SRSF10: variants seen among roughly 807,000 people sequenced by gnomAD.
SRSF10 encodes serine and arginine rich splicing factor 10.
Under a neutral mutation model 32.6 loss-of-function variants are expected in SRSF10, and 9 were observed. The observed-to-expected ratio is 0.28, with a 90% CI of 0.17 to 0.48. The LOEUF (loss-of-function observed/expected upper bound fraction) is 0.48. Ranked by LOEUF, SRSF10 falls within the 20% of genes least tolerant of loss-of-function variation. The pLI is 0.99. For synonymous variants in SRSF10, 105 were observed against 112.4 expected, an observed-to-expected ratio of 0.93 and a Z score of 0.42; for missense variants, 201 against 331.8, an observed-to-expected ratio of 0.61 and a Z score of 3.06.
At position 23,978,612 on chromosome 1, in the gene SRSF10, T is replaced by G. The variant is rs1004133593; in HGVS notation, c.170+101A>C. 249 of 1,395,596 alleles carry G rather than the reference T, an allele frequency of 1.8e-4. 2 individuals carry two copies. In the South Asian group the frequency reaches 4.2e-3, roughly 24 times the overall value. The allele number at this position is 1,395,596 out of a possible 1,614,324, so 86.5% of individuals were successfully genotyped here. A position where few individuals can be genotyped will look rare whatever the true frequency, so the allele number is the denominator to read the frequency against. Reference sequence around the variant, plus strand: ...CAAAAATTTGAAGACAGACATTTATTAGAGGACAAAAAGAACTACTTTTTA... The same window carrying G: ...CAAAAATTTGAAGACAGACATTTATGAGAGGACAAAAAGAACTACTTTTTA... On this transcript the variant is annotated intron_variant, in intron 2 of 5. Transcript: ENST00000492112.
Position 23,973,217 on chromosome 1 carries a change from T to C in SRSF10, c.275-1205A>G, listed in dbSNP as rs571341595. 9.2e-5 allele frequency among the ~76,000 whole-genome samples: 14 copies of C among 152,318 alleles called. No individual in the cohort carries two copies. The South Asian group carries it at 2.7e-3, about 29-fold the overall frequency. ...TTTTATGTTAAAAATAATACTAATA[T>C]CCCCAACTATTTTCAAAGTCTTCTC... On this transcript the variant is annotated intron_variant, in intron 3 of 5. Transcript: ENST00000492112.
chr1:23,969,587 G>A lies in SRSF10; in HGVS notation c.*1555C>T, dbSNP rs1380636289. ...AGTAATCCTCTAAAAGGAATCGTTT[G>A]TCCATAATTCGTACTTGTATCTGTA... On this transcript the variant is annotated 3_prime_UTR_variant, in exon 6 of 6. Coordinates refer to ENST00000492112, the MANE Select transcript of SRSF10 (RefSeq NM_054016.4). The A allele has an allele frequency of 1.5e-5, 15 of 985,022 alleles. No individual in the cohort carries two copies. The African/African-American group carries it at 2.6e-4, about 17-fold the overall frequency. The allele number at this position is 985,022 out of a possible 1,614,324, so 61.0% of individuals were successfully genotyped here. A position where few individuals can be genotyped will look rare whatever the true frequency, so the allele number is the denominator to read the frequency against.
At position 23,978,801 on chromosome 1, in the gene SRSF10, G is replaced by A; in HGVS notation, c.82C>T (p.Arg28Cys). 1.2e-6 allele frequency: 2 copies of A among 1,604,010 alleles called. No individual in the cohort carries two copies. Among genetic ancestry groups the A allele is most frequent in the Non-Finnish European group, 1.7e-6 (2 of 1,174,330 alleles). ...ADDTRSEDLR[R>C]EFGRYGPIVD... ...ATAGGACCATAACGACCAAATTCAC[G>A]CCGCAAGTCTTCAGACCTAAAACAT... is the stretch of plus-strand genomic sequence containing the variant. Residue 28 changes from arginine (R) to cysteine (C), a missense_variant, in exon 2 of 6, where the codon CGT (arginine) becomes TGT (cysteine). Arg to Cys is a radical substitution (Grantham distance 180). Coordinates refer to ENST00000492112, the MANE Select transcript of SRSF10 (RefSeq NM_054016.4).
chr1:23,980,067 G>C (rs1642368747), intron 1 of SRSF10, 124 bp downstream of exon 1: 12 of 1,108,860 alleles, frequency 1.1e-5, no homozygotes, highest in Non-Finnish European at 1.4e-5. Context: ...CGGCGCCAAA[G>C]CGGGCGCGGG....
intron 2 of SRSF10, chr1:23,975,495 GAA>G (rs1208523688): frequency 6.3e-6 from 1 of 158,140 alleles, no homozygotes; most frequent in South Asian, 1.9e-4. Flanking sequence ...TGTTTCAAAC[GAA>G]AAAAAGAAAA....
Position 23,967,658 on chromosome 1 carries a change from C to T in SRSF10, c.*3484G>A, listed in dbSNP as rs1197133930. Reference sequence around the variant, plus strand: ...AACTGCCCTTCTTTGGTTCTTTTTCCGCTTTCAGATCTTTCTTGAAGTGTA... The same window carrying T: ...AACTGCCCTTCTTTGGTTCTTTTTCTGCTTTCAGATCTTTCTTGAAGTGTA... On this transcript the variant is annotated 3_prime_UTR_variant, in exon 6 of 6. Transcript: ENST00000492112. 3.2e-6 allele frequency: 5 copies of T among 1,561,894 alleles called. No individual in the cohort carries two copies. The highest frequency in any genetic ancestry group is 3.5e-6 in the Non-Finnish European group (4 of 1,133,224).
chr1:23,976,502 G>A (rs1232357322), intron 2 of SRSF10: 5 of 152,216 alleles, frequency 3.3e-5, no homozygotes, highest in Non-Finnish European at 7.3e-5. Context: ...GGTTAATGCA[G>A]CTGGGCTCTA....
chr1:23,971,560 CAA>C lies in SRSF10; in HGVS notation c.491+11_491+12del, dbSNP rs973845090. 5.7e-5 allele frequency: 92 copies of C among 1,607,060 alleles called. No homozygotes were observed. Among genetic ancestry groups the C allele is most frequent in the Middle Eastern group, 2.1e-4 (1 of 4,654 alleles). ...AAAAATACATGAGTCTTTTTCAAAG[CAA>C]AGTTATTTACCTATCATTGTCGGAA... On this transcript the variant is annotated intron_variant, in intron 5 of 5. Coordinates refer to ENST00000492112, the MANE Select transcript of SRSF10 (RefSeq NM_054016.4).
chr1:23,971,098 G>A lies in SRSF10; in HGVS notation c.*44C>T, dbSNP rs1168274895. ...ATAATTTAAGTAAACCAAACTATGA[G>A]TAAATGAATGATACATGCCTAAAAA... On this transcript the variant is annotated 3_prime_UTR_variant, in exon 6 of 6. Coordinates refer to ENST00000492112, the MANE Select transcript of SRSF10 (RefSeq NM_054016.4). 1.3e-6 allele frequency: 2 copies of A among 1,538,542 alleles called. No homozygotes were observed. Among genetic ancestry groups the A allele is most frequent in the Middle Eastern group, 1.7e-4 (1 of 5,722 alleles).
intron 1 of SRSF10, 69 bp downstream of exon 1, chr1:23,980,122 A>G: frequency 1.4e-6 from 2 of 1,460,064 alleles, no homozygotes; most frequent in Non-Finnish European, 1.8e-6. Context: ...CAGTGCCGCC[A>G]CCACCAGGGT....
chr1:23,971,697 AC>A, intron 4 of SRSF10, 71 bp from the exon 5 acceptor site: 7 of 1,550,798 alleles, frequency 4.5e-6, no homozygotes, highest in Non-Finnish European at 5.3e-6. Flanking sequence ...TTAAAAGCAA[AC>A]CATAAAACTT....
chr1:23,966,776 CATTA>C lies in SRSF10; in HGVS notation c.*4362_*4365del, dbSNP rs1207538547. 3 of 151,900 alleles carry C rather than the reference CATTA, an allele frequency of 2.0e-5. No individual in the cohort carries two copies. The highest frequency in any genetic ancestry group is 2.1e-4 in the South Asian group (1 of 4,832). The allele number at this position is 151,900 out of a possible 1,614,324, so 9.4% of individuals were successfully genotyped here. On this transcript the variant is annotated 3_prime_UTR_variant, in exon 6 of 6. Transcript: ENST00000492112. ...TTTATTACAGATTAAATCATTTTTT[CATTA>C]TTTATAATAATGTGATCAAATACTG...
chr1:23,975,116 T>G, intron 2 of SRSF10, 39 bp from the exon 3 acceptor site: 2 of 1,522,120 alleles, frequency 1.3e-6, no homozygotes, highest in Non-Finnish European at 1.8e-6. Flanking sequence ...TTTGCAAACT[T>G]TGATAATGAA....
intron 1 of SRSF10, 74 bp downstream of exon 1, chr1:23,980,117 C>A: frequency 6.9e-7 from 1 of 1,447,636 alleles, no homozygotes. Flanking sequence ...CGGCCCAGTG[C>A]CGCCACCACC....
chr1:23,978,561 G>T, intron 2 of SRSF10, 152 bp downstream of exon 2: 1 of 968,054 alleles, frequency 1.0e-6, no homozygotes, highest in Non-Finnish European at 1.4e-6. Context: ...AATAACGAGA[G>T]CAATGTGTGA....
Position 23,971,383 on chromosome 1 carries a change from G to C in SRSF10, c.548C>G (p.Ser183Cys). The part of the protein sequence containing the change: ...SRSKSNSRSR[S>C]KSQPKKEMKA... ...CATTTCTTTCTTGGGCTGGGACTTG[G>C]ACCGTGATCTTGAATTGGATTTAGA... Residue 183 changes from serine (S) to cysteine (C), a missense_variant, in exon 6 of 6, where the codon TCC becomes TGC. Transcript: ENST00000492112. 2.5e-6 allele frequency: 4 copies of C among 1,612,314 alleles called. No individual in the cohort carries two copies. Among genetic ancestry groups the C allele is most frequent in the Non-Finnish European group, 3.4e-6 (4 of 1,179,896 alleles).
In SRSF10 at chr1:23,971,093, T is replaced by C; in HGVS notation, c.*49A>G. ...TCCTGATAATTTAAGTAAACCAAAC[T>C]ATGAGTAAATGAATGATACATGCCT... On this transcript the variant is annotated 3_prime_UTR_variant, in exon 6 of 6. Coordinates refer to ENST00000492112, the MANE Select transcript of SRSF10 (RefSeq NM_054016.4). 4 of 1,533,594 alleles carry C rather than the reference T, an allele frequency of 2.6e-6. No individual in the cohort carries two copies. The highest frequency in any genetic ancestry group is 2.3e-5 in the East Asian group (1 of 44,164). The allele number at this position is 1,533,594 out of a possible 1,614,324, so 95.0% of individuals were successfully genotyped here.
Position 23,966,591 on chromosome 1 carries a change from T to C in SRSF10, c.*4551A>G, listed in dbSNP as rs1482258155. 11 of 152,044 alleles carry C rather than the reference T, an allele frequency of 7.2e-5. No individual in the cohort carries two copies. The highest frequency in any genetic ancestry group is 2.7e-4 in the African/African-American group (11 of 41,446). 9.4% of individuals were successfully genotyped at this position (152,044 alleles called of 1,614,324 possible). A position where few individuals can be genotyped will look rare whatever the true frequency, so the allele number is the denominator to read the frequency against. On this transcript the variant is annotated 3_prime_UTR_variant, in exon 6 of 6. Transcript: ENST00000492112. The stretch of plus-strand genomic sequence containing the variant: ...AATCAGTTAGGATAACAGCTCTCTG[T>C]CTGCCTCAAAATAATCTAATTATAG...
At chr1:23,979,060 T>G (rs1158686479) in intron 1 of SRSF10, 1 of 196,912 alleles carries the variant, frequency 5.1e-6, no homozygotes, top group Non-Finnish European at 9.2e-6. Context: ...AAGCCTTGTT[T>G]TTTTTTTTTT....
Sources: gnomAD v4.1 joint callset for allele counts (sites outside exome capture counted in the v4.1 genomes callset) on GRCh38, gnomAD v4.1.1 for gene constraint, MANE v1.5 for transcripts, NCBI Gene and HGNC (gene_info 2026-07-23, HGNC 2026-07-21) for gene names.